Variants in SIL1 observed in about 807,000 individuals in gnomAD.
SIL1 encodes the protein SIL1 nucleotide exchange factor, also known as nucleotide exchange factor SIL1.
In SIL1, 40 loss-of-function variants were observed where a neutral mutation model predicts 49.1. That is an observed-to-expected ratio of 0.81 (90% confidence interval 0.63 to 1.06). The LOEUF is 1.06. SIL1 is among the 50% of genes least tolerant of loss of function. SIL1 has a pLI of 0.00. For missense variants in SIL1, 500 were observed against 572.6 expected, an observed-to-expected ratio of 0.87 and a Z score of 1.29; for synonymous variants, 253 against 250.8, an observed-to-expected ratio of 1.01 and a Z score of -0.08.
chr5:139,081,026 G>A (rs1770060887), intron 3 of SIL1, among the ~76,000 whole-genome samples: 1 of 152,184 alleles, frequency 6.6e-6, no homozygotes, highest in African/African-American at 2.4e-5. Flanking sequence ...CTAAAAAAGA[G>A]TTGGACTACC....
At chr5:139,139,624 GGAT>G (rs769738695) in intron 1 of SIL1, among the ~76,000 whole-genome samples, 36 of 152,346 alleles carry the variant, frequency 2.4e-4, no homozygotes, top group Non-Finnish European at 4.9e-4. Flanking sequence ...TGCCTCAGGT[GGAT>G]GATGTCCTGT....
At chr5:139,107,264 G>A (rs979007079) in intron 3 of SIL1, among the ~76,000 whole-genome samples, 2 of 152,286 alleles carry the variant, frequency 1.3e-5, no homozygotes, top group East Asian at 1.9e-4. Context: ...GACTGACTCA[G>A]GTGTTACCTG....
intron 3 of SIL1, among the ~76,000 whole-genome samples, chr5:139,054,970 C>T (rs1445610749): frequency 1.3e-5 from 2 of 152,150 alleles, no homozygotes; most frequent in Admixed American, 1.3e-4. Flanking sequence ...CTGTATCCTT[C>T]GAGAGCCCCT....
At chr5:139,049,677 A>C (rs1397309447) in intron 4 of SIL1, among the ~76,000 whole-genome samples, 1 of 152,064 alleles carries the variant, frequency 6.6e-6, no homozygotes, top group Non-Finnish European at 1.5e-5. Context: ...CTGTAGCCCC[A>C]GCCTACTCAG....
intron 7 of SIL1, among the ~76,000 whole-genome samples, chr5:138,977,439 C>T (rs1767417964): frequency 1.3e-5 from 2 of 152,130 alleles, no homozygotes; most frequent in Admixed American, 1.3e-4. Flanking sequence ...AGAGTTCCTT[C>T]TCTCCCGCAA....
intron 7 of SIL1, among the ~76,000 whole-genome samples, chr5:138,999,781 T>C (rs1286718495): frequency 2.0e-5 from 3 of 152,146 alleles, no homozygotes; most frequent in Non-Finnish European, 4.4e-5. Context: ...AAGTAGAAGA[T>C]CTGTTGTTTG....
chr5:139,062,942 G>A (rs534561423), intron 3 of SIL1, among the ~76,000 whole-genome samples: 1 of 152,338 alleles, frequency 6.6e-6, no homozygotes, highest in East Asian at 1.9e-4. Context: ...ACCAATGCCT[G>A]CCATTGAGAA....
chr5:139,061,901 C>T (rs1769598065), intron 3 of SIL1, among the ~76,000 whole-genome samples: 1 of 152,164 alleles, frequency 6.6e-6, no homozygotes. Context: ...GCTTGAATGC[C>T]AGCTCCCTCT....
At chr5:138,965,579 A>G (rs1251360108) in intron 7 of SIL1, among the ~76,000 whole-genome samples, 2 of 151,914 alleles carry the variant, frequency 1.3e-5, no homozygotes, top group South Asian at 4.2e-4. Context: ...CTTTGTGTTA[A>G]GTTCTATGGA....
rs1751250153 is a variant in SIL1 at position 139,149,134 on chromosome 5, AAAAG to A, written c.-10-21285_-10-21282del. Among the ~76,000 whole-genome samples, 3 of 152,188 alleles carry A rather than the reference AAAAG, an allele frequency of 2.0e-5. No individual in the cohort carries two copies. In the South Asian group the frequency reaches 6.2e-4, roughly 32 times the overall value. On this transcript the variant is annotated intron_variant, in intron 1 of 9. Transcript: ENST00000394817. Reference sequence around the variant, plus strand: ...ATGTGAAGAGCACCCAGGAAAAAAAAAAAGAAACTGTGCTGCCCAGGCACATTGT... The same window carrying A: ...ATGTGAAGAGCACCCAGGAAAAAAAAAAACTGTGCTGCCCAGGCACATTGT...
intron 3 of SIL1, among the ~76,000 whole-genome samples, chr5:139,106,154 T>C (rs1770706457): frequency 6.6e-6 from 1 of 152,208 alleles, no homozygotes; most frequent in African/African-American, 2.4e-5. Flanking sequence ...GCAAAAGGCT[T>C]GATTTCCAGC....
At chr5:139,184,094 T>G (rs1020836900) in intron 1 of SIL1, among the ~76,000 whole-genome samples, 1 of 152,128 alleles carries the variant, frequency 6.6e-6, no homozygotes, top group Non-Finnish European at 1.5e-5. Context: ...ATCCCCTTTT[T>G]CCAGAGAGGA....
intron 1 of SIL1, among the ~76,000 whole-genome samples, chr5:139,165,726 C>T (rs1490510397): frequency 6.6e-6 from 1 of 152,160 alleles, no homozygotes; most frequent in East Asian, 1.9e-4. Context: ...GACACGATCT[C>T]GGTTTACTGC....
At chr5:138,997,386 G>C (rs1430552094) in intron 7 of SIL1, among the ~76,000 whole-genome samples, 1 of 152,172 alleles carries the variant, frequency 6.6e-6, no homozygotes, top group Non-Finnish European at 1.5e-5. Flanking sequence ...TTATTGAAGA[G>C]ACTGTCCTTT....
At chr5:139,002,036 C>G (rs1419307944) in intron 7 of SIL1, among the ~76,000 whole-genome samples, 2 of 151,904 alleles carry the variant, frequency 1.3e-5, no homozygotes, top group Non-Finnish European at 2.9e-5. Context: ...CATGGTGAAA[C>G]CCTGTCTCTA....
intron 4 of SIL1, 50 bp downstream of exon 4, chr5:139,050,888 A>G: frequency 6.8e-7 from 1 of 1,472,468 alleles, no homozygotes; most frequent in South Asian, 1.1e-5. Flanking sequence ...ATTACAATAC[A>G]AAATCAACGT....
chr5:139,175,070 C>G (rs1289764052), intron 1 of SIL1, among the ~76,000 whole-genome samples: 1 of 151,760 alleles, frequency 6.6e-6, no homozygotes, highest in Non-Finnish European at 1.5e-5. Context: ...ACCTGTAATC[C>G]CAGAACTTTG....
intron 2 of SIL1, among the ~76,000 whole-genome samples, chr5:139,125,941 C>T (rs919618873): frequency 2.0e-5 from 3 of 152,174 alleles, no homozygotes; most frequent in African/African-American, 7.2e-5. Context: ...CTGTGATACA[C>T]ACAGCCGGCC....
intron 2 of SIL1, among the ~76,000 whole-genome samples, chr5:139,126,911 G>T (rs1183858603): frequency 6.6e-6 from 1 of 152,224 alleles, no homozygotes. Flanking sequence ...TGGGGAAGGT[G>T]GCCAGGGGAG....
Sources: gnomAD v4.1 joint callset for allele counts (sites outside exome capture counted in the v4.1 genomes callset) on GRCh38, gnomAD v4.1.1 for gene constraint, MANE v1.5 for transcripts, NCBI Gene and HGNC (gene_info 2026-07-23, HGNC 2026-07-21) for gene names.